The following KCNH1 variants were observed in gnomAD, a reference collection of about 807,000 sequenced individuals.
KCNH1 encodes the protein potassium voltage-gated channel subfamily H member 1.
Under a neutral mutation model 69.2 loss-of-function variants are expected in KCNH1, and 27 were observed. The ratio of observed to expected loss-of-function variants is 0.39; its 90% CI spans 0.29 to 0.54. The LOEUF is 0.54. Ranked by LOEUF, KCNH1 falls within the 20% of genes least tolerant of loss-of-function variation. KCNH1 has a pLI of 0.68. For synonymous variants in KCNH1, 456 were observed against 487.7 expected, an observed-to-expected ratio of 0.93 and a Z score of 0.86; for missense variants, 798 against 1,261.6, an observed-to-expected ratio of 0.63 and a Z score of 5.57.
chr1:210,734,480 C>G (rs1454199558), intron 10 of KCNH1, among the ~76,000 whole-genome samples: 1 of 152,186 alleles, frequency 6.6e-6, no homozygotes, highest in Non-Finnish European at 1.5e-5. Flanking sequence ...TTCTTCAAGT[C>G]CTACATTTTA....
chr1:210,696,376 A>T (rs1447412096), intron 10 of KCNH1, among the ~76,000 whole-genome samples: 1 of 152,166 alleles, frequency 6.6e-6, no homozygotes, highest in Non-Finnish European at 1.5e-5. Context: ...GGGTGTCCTC[A>T]GCATCCCTTT....
At chr1:210,890,534 A>G (rs1020129325) in intron 7 of KCNH1, among the ~76,000 whole-genome samples, 5 of 152,226 alleles carry the variant, frequency 3.3e-5, no homozygotes, top group Admixed American at 2.6e-4. Flanking sequence ...AAAAGCCAAA[A>G]TTGACAAATG....
chr1:210,794,209 C>T (rs1289370924), intron 9 of KCNH1, among the ~76,000 whole-genome samples: 1 of 152,164 alleles, frequency 6.6e-6, no homozygotes, highest in African/African-American at 2.4e-5. Context: ...GCCTCTTTGT[C>T]CAGAGCTCAG....
intron 7 of KCNH1, among the ~76,000 whole-genome samples, chr1:210,892,085 G>T (rs1574321837): frequency 6.6e-6 from 1 of 152,118 alleles, no homozygotes; most frequent in Admixed American, 6.5e-5. Flanking sequence ...CTAAGGGAGG[G>T]ATAGCATTAG....
intron 3 of KCNH1, among the ~76,000 whole-genome samples, chr1:211,091,705 C>T (rs890133191): frequency 2.0e-5 from 3 of 152,076 alleles, no homozygotes; most frequent in Admixed American, 1.3e-4. Flanking sequence ...GGAGGAAAAA[C>T]GAGTTCTTCC....
chr1:210,990,715 T>C (rs186976317), intron 6 of KCNH1, among the ~76,000 whole-genome samples: 1 of 152,292 alleles, frequency 6.6e-6, no homozygotes, highest in East Asian at 1.9e-4. Flanking sequence ...TGTGAGGATT[T>C]AATGTGATAA....
At chr1:210,903,431 C>A (rs1223605147) in intron 7 of KCNH1, among the ~76,000 whole-genome samples, 1 of 152,128 alleles carries the variant, frequency 6.6e-6, no homozygotes, top group Non-Finnish European at 1.5e-5. Flanking sequence ...GGGCTCATGG[C>A]CTCTTAATGT....
intron 5 of KCNH1, among the ~76,000 whole-genome samples, chr1:211,056,542 AC>A (rs551411243): frequency 1.2e-3 from 184 of 152,304 alleles, no homozygotes; most frequent in African/African-American, 4.2e-3. Context: ...CCTTGAGTGA[AC>A]ATAAGCAATA....
chr1:211,120,310 C>T (rs1244738584), intron 1 of KCNH1, among the ~76,000 whole-genome samples: 5 of 151,902 alleles, frequency 3.3e-5, no homozygotes, highest in Non-Finnish European at 7.4e-5. Flanking sequence ...CTGCTTCAGC[C>T]TCCTTACTAG....
At chr1:210,905,488 C>G (rs1687083140) in intron 7 of KCNH1, among the ~76,000 whole-genome samples, 1 of 152,110 alleles carries the variant, frequency 6.6e-6, no homozygotes, top group South Asian at 2.1e-4. Flanking sequence ...AATATAGACA[C>G]CTTCCCAAGT....
At chr1:210,751,949 C>A (rs1311275089) in intron 10 of KCNH1, among the ~76,000 whole-genome samples, 2 of 151,934 alleles carry the variant, frequency 1.3e-5, no homozygotes, top group Non-Finnish European at 2.9e-5. Context: ...TGGATGTAGA[C>A]TGAGGAAGGC....
At chr1:210,830,116 C>T (rs1324959496) in intron 7 of KCNH1, among the ~76,000 whole-genome samples, 1 of 152,162 alleles carries the variant, frequency 6.6e-6, no homozygotes, top group Non-Finnish European at 1.5e-5. Flanking sequence ...ACTAGTTCCT[C>T]TCACAGAACT....
chr1:210,798,275 G>A (rs771224989), intron 8 of KCNH1, among the ~76,000 whole-genome samples: 18 of 152,018 alleles, frequency 1.2e-4, no homozygotes, highest in Non-Finnish European at 1.9e-4. Context: ...TCCTGACCTC[G>A]TGATCCGCCC....
chr1:210,872,601 C>A (rs1044797910), intron 7 of KCNH1, among the ~76,000 whole-genome samples: 1 of 152,254 alleles, frequency 6.6e-6, no homozygotes, highest in South Asian at 2.1e-4. Flanking sequence ...AGGAAACTTA[C>A]AATCATGGCA....
intron 6 of KCNH1, among the ~76,000 whole-genome samples, chr1:210,997,749 G>A (rs1321000895): frequency 6.6e-6 from 1 of 152,160 alleles, no homozygotes; most frequent in Non-Finnish European, 1.5e-5. Flanking sequence ...AAAATGTTAA[G>A]GGCAGCCAGA....
At position 210,983,045 on chromosome 1, in the gene KCNH1, T is replaced by C. The variant is rs534917807; in HGVS notation, c.1032+35738A>G. ...GTGATGATGAGCATTTTTTCCCGTG[T>C]TTTTTGGCTGCATAAATGTCTTCTT... is the stretch of plus-strand genomic sequence containing the variant. On this transcript the variant is annotated intron_variant, in intron 6 of 10. Transcript: ENST00000271751. Among the ~76,000 whole-genome samples, 92 of 152,260 alleles carry C rather than the reference T, an allele frequency of 6.0e-4. No homozygotes were observed. In the South Asian group the frequency reaches 0.017, roughly 29 times the overall value.
intron 6 of KCNH1, among the ~76,000 whole-genome samples, chr1:210,942,555 G>T (rs1056758262): frequency 2.0e-5 from 3 of 152,142 alleles, no homozygotes; most frequent in African/African-American, 7.2e-5. Context: ...GTAAAGAGAA[G>T]AATCTGAATT....
intron 7 of KCNH1, among the ~76,000 whole-genome samples, chr1:210,825,619 A>G (rs1477250662): frequency 1.3e-5 from 2 of 152,238 alleles, no homozygotes; most frequent in East Asian, 3.8e-4. Context: ...CCATAGATCC[A>G]CAAATCACAC....
At chr1:210,775,575 G>T (rs755618761) in intron 9 of KCNH1, 31 bp from the exon 10 acceptor site, 1 of 1,586,472 alleles carries the variant, frequency 6.3e-7, no homozygotes, top group South Asian at 1.1e-5. Flanking sequence ...TGAGGAAAGT[G>T]TTGGCCAGGA....
Sources: gnomAD v4.1 joint callset for allele counts (sites outside exome capture counted in the v4.1 genomes callset) on GRCh38, gnomAD v4.1.1 for gene constraint, MANE v1.5 for transcripts, NCBI Gene and HGNC (gene_info 2026-07-23, HGNC 2026-07-21) for gene names.